Variants in FAM210A observed in about 807,000 individuals in gnomAD.
FAM210A encodes the protein family with sequence similarity 210 member A.
In FAM210A, 13 loss-of-function variants were observed where a neutral mutation model predicts 25.3. The observed-to-expected ratio is 0.51, with a 90% confidence interval of 0.33 to 0.82. FAM210A has a LOEUF of 0.82. FAM210A is among the 40% of genes least tolerant of loss of function. FAM210A has a pLI of 0.02. For missense variants in FAM210A, 319 were observed against 323.2 expected (o/e 0.99, Z 0.10); for synonymous variants, 125 against 118.7 (o/e 1.05, Z -0.35).
intron 1 of FAM210A, among the ~76,000 whole-genome samples, chr18:13,711,015 A>G (rs2043816789): frequency 6.6e-6 from 1 of 152,176 alleles, no homozygotes; most frequent in Admixed American, 6.5e-5. Context: ...CCATCAAGAA[A>G]GTAGGTCTTT....
chr18:13,691,660 T>C lies in FAM210A; in HGVS notation c.-28-9555A>G, dbSNP rs1345881498. Among the ~76,000 whole-genome samples, 11 of 150,940 alleles carry C rather than the reference T, an allele frequency of 7.3e-5. No homozygotes were observed. The East Asian group carries it at 2.1e-3, about 29-fold the overall frequency. On this transcript the variant is annotated intron_variant, in intron 1 of 3. Transcript: ENST00000651643. ...TCATATCCAGCCAAACTAAGCTTCA[T>C]AAGTGAAGGAGAAATAAAATACTTT...
Position 13,664,994 on chromosome 18 carries a change from C to G in FAM210A, c.*1486G>C, listed in dbSNP as rs527567120. The G allele has an allele frequency of 6.5e-6, 1 of 152,926 alleles. No homozygotes were observed. Among genetic ancestry groups the G allele is most frequent in the South Asian group, 2.1e-4 (1 of 4,820 alleles). 9.5% of individuals were successfully genotyped at this position (152,926 alleles called of 1,614,324 possible). A position where few individuals can be genotyped will look rare whatever the true frequency, so the allele number is the denominator to read the frequency against. On this transcript the variant is annotated 3_prime_UTR_variant, in exon 4 of 4. Transcript: ENST00000651643. ...AAATAGACACTTACATACTCAAACA[C>G]ACCCCACCAGCCCCGCAACGCTCAC...
rs934163595 is a variant in FAM210A, at chr18:13,684,616, G to A, written c.-28-2511C>T. On this transcript the variant is annotated intron_variant, in intron 1 of 3. Transcript: ENST00000651643. ...AGGAAAGAAATTCACTCTTAGAGAC[G>A]TCAACACTCCGGTCAACAACCTTGA... Among the ~76,000 whole-genome samples, 3 of 152,160 alleles carry A rather than the reference G, an allele frequency of 2.0e-5. No homozygotes were observed. The South Asian group carries it at 6.2e-4, about 32-fold the overall frequency.
chr18:13,701,976 G>A (rs1321277676), intron 1 of FAM210A, among the ~76,000 whole-genome samples: 3 of 152,216 alleles, frequency 2.0e-5, no homozygotes, highest in Non-Finnish European at 2.9e-5. Context: ...AACCTTGCCA[G>A]TTCGATAATT....
intron 2 of FAM210A, among the ~76,000 whole-genome samples, chr18:13,672,760 T>C (rs2043454247): frequency 6.6e-6 from 1 of 151,966 alleles, no homozygotes; most frequent in Non-Finnish European, 1.5e-5. Context: ...AGAGATATTT[T>C]AACATCACTT....
chr18:13,717,931 C>T (rs796083897), intron 1 of FAM210A, among the ~76,000 whole-genome samples: 17 of 152,268 alleles, frequency 1.1e-4, no homozygotes, highest in African/African-American at 3.4e-4. Flanking sequence ...GGGCCGCATA[C>T]GGGGAACAGC....
chr18:13,705,146 G>C (rs1308318891), intron 1 of FAM210A, among the ~76,000 whole-genome samples: 2 of 152,142 alleles, frequency 1.3e-5, no homozygotes, highest in Non-Finnish European at 2.9e-5. Context: ...AAAATACTTT[G>C]CCAGATTTTC....
chr18:13,682,806 T>G (rs1028232173), intron 1 of FAM210A, among the ~76,000 whole-genome samples: 2 of 152,088 alleles, frequency 1.3e-5, no homozygotes, highest in Non-Finnish European at 1.5e-5. Flanking sequence ...GAGGTGGAGA[T>G]TGCAGTGAGT....
chr18:13,711,486 A>G (rs2043821208), intron 1 of FAM210A, among the ~76,000 whole-genome samples: 1 of 152,220 alleles, frequency 6.6e-6, no homozygotes, highest in Non-Finnish European at 1.5e-5. Flanking sequence ...CTCCTATTAA[A>G]ATCAGCAAGG....
At chr18:13,689,594 G>A (rs2043625547) in intron 1 of FAM210A, among the ~76,000 whole-genome samples, 1 of 152,120 alleles carries the variant, frequency 6.6e-6, no homozygotes, top group Non-Finnish European at 1.5e-5. Flanking sequence ...CTGGGAACAA[G>A]GCAAAGATGA....
intron 1 of FAM210A, among the ~76,000 whole-genome samples, chr18:13,685,090 T>C (rs2043585627): frequency 6.6e-6 from 1 of 152,188 alleles, no homozygotes; most frequent in African/African-American, 2.4e-5. Context: ...TTTCCTCTTG[T>C]CCAAATTCCT....
At chr18:13,683,563 CT>C (rs11301016) in intron 1 of FAM210A, among the ~76,000 whole-genome samples, 117,217 of 137,184 alleles carry the variant, frequency 0.85, 49,932 homozygotes, top group East Asian at 0.96. Flanking sequence ...GACTGCAAGC[CT>C]TTTTTTTTTT....
chr18:13,695,901 G>C (rs551042283), intron 1 of FAM210A, among the ~76,000 whole-genome samples: 1 of 152,170 alleles, frequency 6.6e-6, no homozygotes, highest in African/African-American at 2.4e-5. Flanking sequence ...CAAGTACAGT[G>C]ATTTTATAAG....
At chr18:13,696,082 A>G (rs1056458854) in intron 1 of FAM210A, among the ~76,000 whole-genome samples, 2 of 152,202 alleles carry the variant, frequency 1.3e-5, no homozygotes, top group African/African-American at 4.8e-5. Context: ...AAGAAATCAA[A>G]GGTCTAAATA....
intron 1 of FAM210A, among the ~76,000 whole-genome samples, chr18:13,695,260 T>C (rs2043682550): frequency 6.6e-6 from 1 of 152,224 alleles, no homozygotes; most frequent in African/African-American, 2.4e-5. Context: ...TTTGACACTG[T>C]TGGTGGGACT....
chr18:13,684,304 C>A (rs992686165), intron 1 of FAM210A, among the ~76,000 whole-genome samples: 1 of 151,980 alleles, frequency 6.6e-6, no homozygotes, highest in Non-Finnish European at 1.5e-5. Context: ...GAGGCTGAGG[C>A]AGGAGAATCA....
intron 2 of FAM210A, among the ~76,000 whole-genome samples, chr18:13,676,174 C>CTTT (rs202011243): frequency 0.49 from 9,099 of 18,386 alleles, 4,102 homozygotes; most frequent in East Asian, 0.65. Context: ...GCCCCGACTT[C>CTTT]ATTTCCAGTT....
At chr18:13,682,720 T>C (rs765965497) in intron 1 of FAM210A, among the ~76,000 whole-genome samples, 34 of 152,062 alleles carry the variant, frequency 2.2e-4, no homozygotes, top group Non-Finnish European at 7.4e-5. Flanking sequence ...AATACAAAAA[T>C]TAGCCGGGAA....
intron 1 of FAM210A, among the ~76,000 whole-genome samples, 180 bp downstream of exon 1, chr18:13,726,149 G>A (rs973287724): frequency 3.9e-5 from 6 of 152,204 alleles, no homozygotes; most frequent in African/African-American, 1.4e-4. Context: ...GCCGGGGTCT[G>A]TGGGGTCGGC....
Sources: allele counts gnomAD v4.1 joint callset (sites outside exome capture counted in the v4.1 genomes callset), GRCh38; gene constraint gnomAD v4.1.1; transcripts MANE v1.5; gene names NCBI Gene and HGNC (gene_info 2026-07-23, HGNC 2026-07-21).